The following STAMBP variants were observed in gnomAD, a reference collection of about 807,000 sequenced individuals.
The protein encoded by STAMBP is STAM-binding protein.
A neutral mutation model predicts 50.7 loss-of-function variants in STAMBP; 31 were observed. The observed-to-expected ratio is 0.61, with a 90% CI of 0.46 to 0.83. The LOEUF (loss-of-function observed/expected upper bound fraction) is 0.83, where lower values mean the gene tolerates loss of function less well. STAMBP is among the 40% of genes least tolerant of loss of function. The pLI, the probability that STAMBP is intolerant of heterozygous loss-of-function variation, is 0.00. For missense variants in STAMBP, 472 were observed against 518.9 expected (o/e 0.91, Z 0.88); for synonymous variants, 211 against 192.4 (o/e 1.10, Z -0.80).
In STAMBP at chr2:73,850,690, A is replaced by T. The variant is rs1359009615; in HGVS notation, c.1005+177A>T. On this transcript the variant is annotated intron_variant, in intron 7 of 9. Transcript: ENST00000394070. This position sits in a 1 kb window ranked among gnomAD's most constrained non-coding sequence, Gnocchi z 4.3. ...CACTTTGGTATTGTTTTCTGGGAACACTTAGGGCTTTTAAATTTTTTTAAC... is the reference window on the plus strand; with the variant it reads ...CACTTTGGTATTGTTTTCTGGGAACTCTTAGGGCTTTTAAATTTTTTTAAC... Among the ~76,000 whole-genome samples the T allele has an allele frequency of 8.5e-5, 13 of 152,210 alleles. No homozygotes were observed. The highest frequency in any genetic ancestry group is 8.5e-4 in the Admixed American group (13 of 15,278).
chr2:73,833,507 A>G (rs1322186314), intron 2 of STAMBP, among the ~76,000 whole-genome samples: 3 of 149,682 alleles, frequency 2.0e-5, no homozygotes, highest in Non-Finnish European at 4.4e-5. Context: ...TCTTCTTTAT[A>G]TATTCTTGGT....
chr2:73,869,743 AAAT>A (rs942258237), downstream of STAMBP, among the ~76,000 whole-genome samples: 1 of 152,152 alleles, frequency 6.6e-6, no homozygotes, highest in Non-Finnish European at 1.5e-5. Flanking sequence ...AAACTTTAAA[AAAT>A]AAAAATAAAA....
intron 7 of STAMBP, among the ~76,000 whole-genome samples, chr2:73,854,983 C>T (rs1022089327): frequency 1.3e-5 from 2 of 152,120 alleles, no homozygotes. Context: ...GGCAACAGAG[C>T]GAAAACCCTA....
intron 7 of STAMBP, among the ~76,000 whole-genome samples, chr2:73,857,390 A>T (rs6711238): frequency 0.039 from 5,939 of 151,892 alleles, 386 homozygotes; most frequent in African/African-American, 0.13. Context: ...CTTTGTGTTT[A>T]CCTCCCTTTT....
intron 7 of STAMBP, among the ~76,000 whole-genome samples, chr2:73,857,067 T>G (rs984844514): frequency 1.3e-5 from 2 of 152,230 alleles, no homozygotes; most frequent in African/African-American, 4.8e-5. Context: ...AGCATTGAAT[T>G]CTTCTGCCTT....
At position 73,847,429 on chromosome 2, in the gene STAMBP, C is replaced by T. The variant is rs1401253918; in HGVS notation, c.418C>T (p.Gln140Ter). The change falls in exon 5 of 10, where the codon CAA becomes TAA. Residue 140 changes from glutamine (Q) to a stop codon, truncating the protein, a stop_gained. Transcript: ENST00000394070. LOFTEE classifies it high-confidence loss of function. Reference protein sequence around the residue: ...EELARNMAIQQELEKEKQRVA... With the variant: ...EELARNMAIQ ...ATTGGCCCGGAACATGGCCATCCAG[C>T]AAGAGCTGGAAAAGGAAAAACAGAG... is the stretch of plus-strand genomic sequence containing the variant. The T allele has an allele frequency of 6.8e-6, 11 of 1,612,900 alleles. No homozygotes were observed. The African/African-American group carries it at 9.4e-5, about 14-fold the overall frequency.
At chr2:73,836,680 G>C (rs770267680) in intron 2 of STAMBP, among the ~76,000 whole-genome samples, 4 of 152,248 alleles carry the variant, frequency 2.6e-5, no homozygotes, top group African/African-American at 9.6e-5. Flanking sequence ...AGTGGCCGCC[G>C]GCTGGGGAAC....
chr2:73,860,015 TTTGC>T (rs762637351), intron 8 of STAMBP, 33 bp from the exon 9 acceptor site: 37 of 1,529,872 alleles, frequency 2.4e-5, no homozygotes, highest in Non-Finnish European at 3.3e-5. Context: ...GAGGGACACC[TTTGC>T]TTGACTCTTA....
intron 9 of STAMBP, among the ~76,000 whole-genome samples, chr2:73,860,835 T>G (rs1678246004): frequency 6.6e-6 from 1 of 152,126 alleles, no homozygotes; most frequent in Non-Finnish European, 1.5e-5. Flanking sequence ...CTAAGAACCT[T>G]GACACTTAAA....
intron 1 of STAMBP, 116 bp from the exon 2 acceptor site, chr2:73,830,729 A>G (rs1673796198): frequency 1.3e-6 from 1 of 788,158 alleles, no homozygotes. Context: ...GAGCCACAGC[A>G]TTTGGTATGT....
At chr2:73,847,265 G>A in intron 4 of STAMBP, 122 bp from the exon 5 acceptor site, 1 of 1,227,418 alleles carries the variant, frequency 8.1e-7, no homozygotes, top group South Asian at 1.6e-5. Context: ...TGAATTCTGT[G>A]TTAGGTAATC....
rs183896812 is a variant in STAMBP at position 73,864,647 on chromosome 2, A to G, written c.*2388A>G. On this transcript the variant is annotated 3_prime_UTR_variant, in exon 10 of 10. Transcript: ENST00000394070. ...ACATTGTATTGAAAGGGTAATGACTATTTGGCTAAAGGGACTGACTCCTGG... is the reference window on the plus strand; with the variant it reads ...ACATTGTATTGAAAGGGTAATGACTGTTTGGCTAAAGGGACTGACTCCTGG... 4 of 152,430 alleles carry G rather than the reference A, an allele frequency of 2.6e-5. No homozygotes were observed. The East Asian group carries it at 5.8e-4, about 22-fold the overall frequency. 9.4% of individuals were successfully genotyped at this position (152,430 alleles called of 1,614,324 possible).
At chr2:73,833,168 C>T (rs906774562) in intron 2 of STAMBP, among the ~76,000 whole-genome samples, 1 of 152,220 alleles carries the variant, frequency 6.6e-6, no homozygotes, top group African/African-American at 2.4e-5. Context: ...TTTTGGCAGG[C>T]TTTAGCCTCC....
chr2:73,850,416 A>G lies in STAMBP; in HGVS notation c.908A>G (p.Lys303Arg), dbSNP rs752172159. The change falls in exon 7 of 10, where the codon AAG becomes AGG. Residue 303 changes from lysine (K) to arginine (R), a missense_variant. By Grantham distance (26) the Lys-to-Arg change is conservative (BLOSUM62 2). Transcript: ENST00000394070. This position sits in a 1 kb window ranked among gnomAD's most constrained non-coding sequence, Gnocchi z 4.3. The stretch of plus-strand genomic sequence containing the variant: ...ACCATTACCCATGTTCTCATCCCCA[A>G]GCAAAGTGCTGGGTCTGATTACTGC... Reference protein sequence around the residue: ...EFTITHVLIPKQSAGSDYCNT... With the variant: ...EFTITHVLIPRQSAGSDYCNT... The G allele has an allele frequency of 6.2e-7, 1 of 1,613,556 alleles. No individual in the cohort carries two copies. Among genetic ancestry groups the G allele is most frequent in the East Asian group, 2.2e-5 (1 of 44,864 alleles).
At chr2:73,844,734 A>T in intron 2 of STAMBP, 79 bp from the exon 3 acceptor site, 1 of 1,218,396 alleles carries the variant, frequency 8.2e-7, no homozygotes, top group Non-Finnish European at 1.2e-6. Context: ...GGGCTTCAGG[A>T]TAAGGGGGTT....
chr2:73,831,374 T>C (rs1573230300), intron 2 of STAMBP, among the ~76,000 whole-genome samples: 2 of 152,234 alleles, frequency 1.3e-5, no homozygotes, highest in South Asian at 4.1e-4. Context: ...CTCTTTCTAC[T>C]AAAGCAGCCA....
rs143228511 is a variant in STAMBP, at chr2:73,860,278, C to G, written c.1218+127C>G. On this transcript the variant is annotated intron_variant, in intron 9 of 9. Transcript: ENST00000394070. ...CTTTGTCACTTACCTTGCCAGATCT[C>G]CATAATAAGGACGTACATGAGAAGC... 5,254 of 737,560 alleles carry G rather than the reference C, an allele frequency of 7.1e-3. 32 individuals carry two copies. The highest frequency in any genetic ancestry group is 8.7e-3 in the Non-Finnish European group (3,943 of 455,750). 45.7% of individuals were successfully genotyped at this position (737,560 alleles called of 1,614,324 possible).
Position 73,850,341 on chromosome 2 carries a change from A to G in STAMBP, c.868-35A>G, listed in dbSNP as rs185053310. On this transcript the variant is annotated intron_variant, in intron 6 of 9. Transcript: ENST00000394070. The surrounding 1 kb of genome is among the most constrained non-coding windows in gnomAD (Gnocchi z 4.3). ...AGTGGAGCAGGGTTGCATGAGCACC[A>G]GGGAATTGTGACCAGCTGTTTTCTC... is the stretch of plus-strand genomic sequence containing the variant. 2.8e-4 allele frequency: 451 copies of G among 1,587,668 alleles called. 2 individuals are homozygous for G. In the African/African-American group the frequency reaches 5.5e-3, roughly 19 times the overall value.
At chr2:73,861,666 G>C (rs578081870) in intron 9 of STAMBP, among the ~76,000 whole-genome samples, 7 of 150,812 alleles carry the variant, frequency 4.6e-5, no homozygotes, top group African/African-American at 1.7e-4. Flanking sequence ...CTACAGGTGC[G>C]CGCCGCCACA....
Sources: gnomAD v4.1 joint callset for allele counts (sites outside exome capture counted in the v4.1 genomes callset) on GRCh38, gnomAD v4.1.1 for gene constraint, Gnocchi (gnomAD v3.1) non-coding constraint, MANE v1.5 for transcripts, NCBI Gene and HGNC (gene_info 2026-07-23, HGNC 2026-07-21) for gene names.